The following CACNA1C variants were observed in gnomAD, a reference collection of about 807,000 sequenced individuals.
CACNA1C encodes voltage-dependent L-type calcium channel subunit alpha-1C.
CACNA1C carries 30 observed loss-of-function variants against 229.0 expected under a neutral mutation model. The observed-to-expected ratio is 0.13, with a 90% CI of 0.10 to 0.18. The LOEUF (loss-of-function observed/expected upper bound fraction) is 0.18. CACNA1C is among the 10% of genes least tolerant of loss of function. The pLI is 1.00. For synonymous variants in CACNA1C, 1,114 were observed against 1,132.5 expected (o/e 0.98, Z 0.33); for missense variants, 1,658 against 2,845.0 (o/e 0.58, Z 9.49).
intron 1 of CACNA1C, among the ~76,000 whole-genome samples, chr12:2,036,888 G>T (rs2049244159): frequency 1.3e-5 from 2 of 152,198 alleles, no homozygotes; most frequent in South Asian, 4.1e-4. Flanking sequence ...TCTTGACACT[G>T]GAGGGGTTAG....
chr12:2,679,775 C>A lies in CACNA1C; in HGVS notation c.5423C>A (p.Ala1808Glu), dbSNP rs745997744. 1 of 1,572,940 alleles carries A rather than the reference C, an allele frequency of 6.4e-7. No homozygotes were observed. The highest frequency in any genetic ancestry group is 8.6e-7 in the Non-Finnish European group (1 of 1,158,194). ...CCTGCCATCCGGGTGCAGGAGGTGG[C>A]GTGGAAGCTCAGCTCCAACAGGTAA... is the stretch of plus-strand genomic sequence containing the variant. ...LSPAIRVQEV[A>E]WKLSSNRCHS... is the part of the protein sequence containing the mutation. Residue 1808 changes from alanine to glutamate, a missense_variant, in exon 42 of 47, where the codon GCG becomes GAG. Around this residue, in one of 20 missense-constraint regions of CACNA1C, gnomAD observed 590 missense variants for 700.8 expected, o/e 0.84. Coordinates refer to ENST00000399655, the MANE Select transcript of CACNA1C (RefSeq NM_000719.7). This position sits in a 1 kb window ranked among gnomAD's most constrained non-coding sequence, Gnocchi z 5.5.
At position 2,602,248 on chromosome 12, in the gene CACNA1C, C is replaced by T. The variant is rs538097806; in HGVS notation, c.2960+288C>T. 1.3e-5 allele frequency among the ~76,000 whole-genome samples: 2 copies of T among 152,194 alleles called. No individual in the cohort carries two copies. Among genetic ancestry groups the T allele is most frequent in the Non-Finnish European group, 2.9e-5 (2 of 68,026 alleles). ...AGAAACGGTTGTCTCCAGGACCTTCCTGCCTCCTCCACCACGGCCCCAGTG... is the reference window on the plus strand; with the variant it reads ...AGAAACGGTTGTCTCCAGGACCTTCTTGCCTCCTCCACCACGGCCCCAGTG... On this transcript the variant is annotated intron_variant, in intron 22 of 46. Coordinates refer to ENST00000399655, the MANE Select transcript of CACNA1C (RefSeq NM_000719.7). This position sits in a 1 kb window ranked among gnomAD's most constrained non-coding sequence, Gnocchi z 4.4.
At chr12:2,145,092 TAA>T (rs2094581897) in intron 3 of CACNA1C, among the ~76,000 whole-genome samples, 1 of 151,346 alleles carries the variant, frequency 6.6e-6, no homozygotes, top group African/African-American at 2.4e-5. Flanking sequence ...AAGGCTGTTT[TAA>T]CTGTTGGTGA....
chr12:2,626,329 G>T lies in CACNA1C; in HGVS notation c.3829-7968G>T, dbSNP rs1354307634. On this transcript the variant is annotated intron_variant, in intron 29 of 46. Coordinates refer to ENST00000399655, the MANE Select transcript of CACNA1C (RefSeq NM_000719.7). ...CTTTCTGAGAGTGCTGAGCAGGAAG[G>T]GACCTCTCTGTTTGGGGTTTGGAAA... Among the ~76,000 whole-genome samples the T allele has an allele frequency of 2.6e-5, 4 of 152,180 alleles. No homozygotes were observed. In the East Asian group the frequency reaches 7.7e-4, roughly 29 times the overall value.
chr12:2,274,673 A>G (rs2086881145), intron 3 of CACNA1C, among the ~76,000 whole-genome samples: 1 of 152,214 alleles, frequency 6.6e-6, no homozygotes, highest in African/African-American at 2.4e-5. Context: ...GAACTCACGT[A>G]GTTTGCCCAA....
chr12:2,425,245 T>C (rs2099018402), intron 3 of CACNA1C, among the ~76,000 whole-genome samples: 1 of 152,262 alleles, frequency 6.6e-6, no homozygotes, highest in Non-Finnish European at 1.5e-5. Flanking sequence ...TGACAGTGTA[T>C]TAAATGTTTA....
intron 3 of CACNA1C, among the ~76,000 whole-genome samples, chr12:2,241,274 C>G (rs2070041218): frequency 6.6e-6 from 1 of 152,134 alleles, no homozygotes; most frequent in African/African-American, 2.4e-5. Context: ...GAGAAATTCT[C>G]TGAGGCAAAT....
chr12:2,108,318 C>T lies in CACNA1C; in HGVS notation c.50-6906C>T, dbSNP rs973714711. Among the ~76,000 whole-genome samples, 4 of 152,200 alleles carry T rather than the reference C, an allele frequency of 2.6e-5. No homozygotes were observed. The highest frequency in any genetic ancestry group is 4.1e-4 in the South Asian group (2 of 4,824). ...AAACAGTGCTGCAGAACAGGCCCCC[C>T]GAGGGAACTGCGGTTCGGGTACAAT... On this transcript the variant is annotated intron_variant, in intron 1 of 46. Transcript: ENST00000399655. This position sits in a 1 kb window ranked among gnomAD's most constrained non-coding sequence, Gnocchi z 5.3.
intron 3 of CACNA1C, among the ~76,000 whole-genome samples, chr12:2,325,639 G>C (rs1014014062): frequency 5.9e-5 from 9 of 152,250 alleles, no homozygotes; most frequent in African/African-American, 1.9e-4. Flanking sequence ...ACAGAGCCTG[G>C]CATTCAGCAG....
intron 3 of CACNA1C, among the ~76,000 whole-genome samples, chr12:2,224,206 A>C (rs2062247942): frequency 6.6e-6 from 1 of 152,190 alleles, no homozygotes; most frequent in South Asian, 2.1e-4. Flanking sequence ...TGATATCAAC[A>C]ACTGGGAGCT....
At chr12:2,458,311 G>A (rs1469447916) in intron 5 of CACNA1C, among the ~76,000 whole-genome samples, 2 of 152,138 alleles carry the variant, frequency 1.3e-5, no homozygotes, top group East Asian at 3.9e-4. Context: ...GGTTTGGAGA[G>A]GTATTGCCTA....
At chr12:2,178,500 G>T (rs1444184637) in intron 3 of CACNA1C, among the ~76,000 whole-genome samples, 4 of 152,226 alleles carry the variant, frequency 2.6e-5, no homozygotes, top group Non-Finnish European at 4.4e-5. Flanking sequence ...CTAAGCAGTT[G>T]TCTTGTGGTA....
chr12:2,476,399 T>C (rs2099628599), intron 5 of CACNA1C, among the ~76,000 whole-genome samples: 1 of 152,252 alleles, frequency 6.6e-6, no homozygotes, highest in Non-Finnish European at 1.5e-5. Flanking sequence ...TCTGGGACAA[T>C]TTATCTGTCT....
In CACNA1C at chr12:2,448,539, C is replaced by T. The variant is rs570229251; in HGVS notation, c.478-437C>T. 1.1e-4 allele frequency among the ~76,000 whole-genome samples: 16 copies of T among 152,274 alleles called. No individual in the cohort carries two copies. The South Asian group carries it at 2.9e-3, about 28-fold the overall frequency. On this transcript the variant is annotated intron_variant, in intron 3 of 46. Transcript: ENST00000399655. ...TCCCCAAGACCAAGTCTGCTGTCTTCAGGGCTTGTTCCTGCAGAATCGGAG... is the reference window on the plus strand; with the variant it reads ...TCCCCAAGACCAAGTCTGCTGTCTTTAGGGCTTGTTCCTGCAGAATCGGAG...
intron 1 of CACNA1C, among the ~76,000 whole-genome samples, chr12:2,008,925 A>G (rs1030689735): frequency 2.6e-5 from 4 of 152,084 alleles, no homozygotes; most frequent in Admixed American, 2.6e-4. Flanking sequence ...CCTTCTTTCT[A>G]TTTGAATAAT....
chr12:2,123,375 C>CAAAAAA (rs397761587), intron 3 of CACNA1C, among the ~76,000 whole-genome samples: 2 of 72,982 alleles, frequency 2.7e-5, no homozygotes, highest in East Asian at 4.1e-4. Context: ...GACTCCATCT[C>CAAAAAA]AAAAAAAAAA....
chr12:2,668,012 C>T (rs1262733785), intron 37 of CACNA1C, among the ~76,000 whole-genome samples: 2 of 152,244 alleles, frequency 1.3e-5, no homozygotes, highest in East Asian at 1.9e-4. Flanking sequence ...GAGGGCAAGA[C>T]AGCACTATCC....
At chr12:2,315,546 A>G (rs570380985) in intron 3 of CACNA1C, among the ~76,000 whole-genome samples, 1 of 152,290 alleles carries the variant, frequency 6.6e-6, no homozygotes, top group South Asian at 2.1e-4. Context: ...TAACCATCAC[A>G]GTTCTCATTC....
chr12:2,250,199 C>T (rs1026999660), intron 3 of CACNA1C, among the ~76,000 whole-genome samples: 1 of 152,198 alleles, frequency 6.6e-6, no homozygotes, highest in African/African-American at 2.4e-5. Flanking sequence ...CCCACCCAGT[C>T]AGTATCTGCG....
Sources: allele counts gnomAD v4.1 joint callset (sites outside exome capture counted in the v4.1 genomes callset), GRCh38; gene constraint gnomAD v4.1.1; regional missense constraint gnomAD v4.1.1; non-coding constraint Gnocchi (gnomAD v3.1); transcripts MANE v1.5; gene names NCBI Gene and HGNC (gene_info 2026-07-23, HGNC 2026-07-21).